Variants in MIX23 observed in about 807,000 individuals in gnomAD.
MIX23 encodes mitochondrial matrix import factor 23.
MIX23 carries 13 observed loss-of-function variants against 21.6 expected under a neutral mutation model. The observed-to-expected ratio is 0.60, with a 90% CI of 0.39 to 0.96. The LOEUF (loss-of-function observed/expected upper bound fraction) is 0.96. MIX23 is among the 40% of genes least tolerant of loss of function. MIX23 has a pLI of 0.00. For missense variants in MIX23, 144 were observed against 171.2 expected (o/e 0.84, Z 0.89); for synonymous variants, 59 against 58.0 (o/e 1.02, Z -0.08).
intron 1 of MIX23, among the ~76,000 whole-genome samples, chr3:122,380,260 T>C (rs2075520193): frequency 1.3e-5 from 2 of 152,178 alleles, no homozygotes; most frequent in Admixed American, 1.3e-4. Flanking sequence ...TCATTGGTAC[T>C]TGACATCAAA....
Position 122,368,354 on chromosome 3 carries a change from A to G in MIX23, c.178-32T>C, listed in dbSNP as rs778972607. 7.8e-6 allele frequency: 12 copies of G among 1,541,782 alleles called. No homozygotes were observed. In the South Asian group the frequency reaches 1.4e-4, roughly 18 times the overall value. On this transcript the variant is annotated intron_variant, in intron 2 of 4. Coordinates refer to ENST00000291458, the MANE Select transcript of MIX23 (RefSeq NM_001017928.4). ...GAACAAAGGAATGAAAGGAGAAAAA[A>G]AAACTGCATAAATTTATCACATTTT... is the stretch of plus-strand genomic sequence containing the variant.
intron 2 of MIX23, among the ~76,000 whole-genome samples, chr3:122,369,294 A>G (rs142854135): frequency 6.6e-6 from 1 of 152,214 alleles, no homozygotes. Context: ...TTGAGATTTG[A>G]AATTTCTAAA....
At chr3:122,376,922 C>T (rs1049670440) in intron 1 of MIX23, among the ~76,000 whole-genome samples, 1 of 152,004 alleles carries the variant, frequency 6.6e-6, no homozygotes, top group Admixed American at 6.6e-5. Flanking sequence ...CAGTGGCTCA[C>T]ACCTGTAATC....
At position 122,371,799 on chromosome 3, in the gene MIX23, T is replaced by A. The variant is rs1463154593; in HGVS notation, c.53A>T (p.Glu18Val). The A allele has an allele frequency of 6.3e-7, 1 of 1,587,378 alleles. No individual in the cohort carries two copies. The highest frequency in any genetic ancestry group is 8.6e-7 in the Non-Finnish European group (1 of 1,160,360). The change falls in exon 2 of 5, where the codon GAA (glutamate) becomes GTA (valine). Residue 18 changes from glutamate (E) to valine (V), a missense_variant and splice_region_variant. Physicochemically the swap from Glu to Val is moderately radical, Grantham distance 121 (BLOSUM62 -2). Transcript: ENST00000291458. ...VNCEEFAEFQ[E>V]LLKVMRTIDD... is the part of the protein sequence containing the mutation. ...AATTGTCCTCATCACCTTGAGTAAT[T>A]CCTATATGTATTTAAAATAAAAGAA...
intron 1 of MIX23, among the ~76,000 whole-genome samples, chr3:122,381,610 C>G (rs2075532123): frequency 6.6e-6 from 1 of 151,740 alleles, no homozygotes; most frequent in African/African-American, 2.4e-5. Context: ...CGCCTATAAT[C>G]CCAGCTACTC....
intron 1 of MIX23, among the ~76,000 whole-genome samples, chr3:122,378,733 C>A (rs373753856): frequency 1.2e-3 from 184 of 152,306 alleles, no homozygotes; most frequent in African/African-American, 4.2e-3. Context: ...CAGTCACTGA[C>A]TGAAACATCA....
chr3:122,370,058 T>C (rs1050005127), intron 2 of MIX23, among the ~76,000 whole-genome samples: 7 of 152,160 alleles, frequency 4.6e-5, no homozygotes, highest in South Asian at 2.1e-4. Flanking sequence ...CCAGCAATAT[T>C]TGTATACAAA....
In MIX23 at chr3:122,366,456, G is replaced by T. The variant is rs1173287987; in HGVS notation, c.324+1720C>A. The T allele has an allele frequency of 2.6e-5, 4 of 152,308 alleles. No homozygotes were observed. The East Asian group carries it at 7.7e-4, about 29-fold the overall frequency. 9.4% of individuals were successfully genotyped at this position (152,308 alleles called of 1,614,324 possible). ...TGCAGCAGCCTGGCCTACTCACCTT[G>T]TGTGCAGCCAGCTACAAGGAAAGAG... On this transcript the variant is annotated intron_variant, in intron 3 of 4. Transcript: ENST00000291458.
chr3:122,366,461 C>A (rs1288279818), intron 3 of MIX23: 1 of 152,218 alleles, frequency 6.6e-6, no homozygotes, highest in African/African-American at 2.4e-5. Flanking sequence ...ACCTTGTGTG[C>A]AGCCAGCTAC....
intron 1 of MIX23, among the ~76,000 whole-genome samples, chr3:122,376,166 CAAAAAAAAAA>C (rs1158747986): frequency 4.7e-5 from 3 of 64,480 alleles, no homozygotes; most frequent in African/African-American, 6.5e-5. Context: ...GACTCCGTCT[CAAAAAAAAAA>C]AAAAAAAAAA....
intron 1 of MIX23, among the ~76,000 whole-genome samples, chr3:122,377,168 G>A (rs1377895576): frequency 2.0e-5 from 3 of 152,092 alleles, no homozygotes; most frequent in African/African-American, 4.8e-5. Flanking sequence ...GTGACAAAGC[G>A]AGACTCCATC....
intron 1 of MIX23, among the ~76,000 whole-genome samples, chr3:122,382,293 G>A (rs531464231): frequency 1.8e-3 from 279 of 152,078 alleles, no homozygotes; most frequent in Non-Finnish European, 3.5e-3. Flanking sequence ...AGACACTCTC[G>A]CTACAAAATT....
intron 2 of MIX23, among the ~76,000 whole-genome samples, chr3:122,371,066 T>C (rs1357463904): frequency 6.6e-6 from 1 of 152,132 alleles, no homozygotes; most frequent in Non-Finnish European, 1.5e-5. Context: ...TAAAAGAATA[T>C]AGGTAAATAA....
intron 1 of MIX23, 146 bp downstream of exon 1, chr3:122,383,028 G>GC (rs938772188): frequency 6.0e-5 from 62 of 1,039,724 alleles, no homozygotes; most frequent in Non-Finnish European, 8.6e-5. Flanking sequence ...CCAAACCCGC[G>GC]CCCCCCATGA....
At chr3:122,363,428 C>G (rs6807375) in intron 3 of MIX23, among the ~76,000 whole-genome samples, 5 of 151,478 alleles carry the variant, frequency 3.3e-5, no homozygotes, top group Non-Finnish European at 7.4e-5. Context: ...AGTGAAGGTA[C>G]GTGAAAAGAT....
rs11328387 is a variant in MIX23 at position 122,373,276 on chromosome 3, G to GT, written c.52-1477dup. Among the ~76,000 whole-genome samples, 253 of 145,034 alleles carry GT rather than the reference G, an allele frequency of 1.7e-3. 1 individual carries two copies. The highest frequency in any genetic ancestry group is 3.6e-3 in the Middle Eastern group (1 of 278). On this transcript the variant is annotated intron_variant, in intron 1 of 4. Transcript: ENST00000291458. The stretch of plus-strand genomic sequence containing the variant: ...TAATGTTGCTAGAAATGTCTTGAAA[G>GT]TTTTTTTTTTTTTGAGACAGGGTCT...
At chr3:122,381,464 G>A (rs1158088126) in intron 1 of MIX23, among the ~76,000 whole-genome samples, 1 of 152,190 alleles carries the variant, frequency 6.6e-6, no homozygotes, top group Non-Finnish European at 1.5e-5. Context: ...CATGGCTCAC[G>A]CCTGTAATCC....
chr3:122,375,300 T>C (rs1200178636), intron 1 of MIX23, among the ~76,000 whole-genome samples: 3 of 152,188 alleles, frequency 2.0e-5, no homozygotes, highest in African/African-American at 4.8e-5. Flanking sequence ...CATCTAATTG[T>C]ATGGAAGTGC....
intron 3 of MIX23, chr3:122,366,541 CA>C (rs1434767637): frequency 6.6e-6 from 1 of 152,158 alleles, no homozygotes; most frequent in Non-Finnish European, 1.5e-5. Flanking sequence ...TTTCAAAGTT[CA>C]GCTACATCTA....
Sources: gnomAD v4.1 joint callset for allele counts (sites outside exome capture counted in the v4.1 genomes callset) on GRCh38, gnomAD v4.1.1 for gene constraint, MANE v1.5 for transcripts, NCBI Gene and HGNC (gene_info 2026-07-23, HGNC 2026-07-21) for gene names.